Variants in WHRN observed in about 807,000 individuals in gnomAD.
WHRN encodes CASK-interacting protein CIP98.
Under a neutral mutation model 68.3 loss-of-function variants are expected in WHRN, and 41 were observed. The observed-to-expected ratio is 0.60, with a 90% confidence interval of 0.47 to 0.78. The LOEUF is 0.78. WHRN is among the 30% of genes least tolerant of loss of function. WHRN has a pLI of 0.00. For missense variants in WHRN, 1,243 were observed against 1,244.7 expected, an observed-to-expected ratio of 1.00 and a Z score of 0.02; for synonymous variants, 560 against 561.3, an observed-to-expected ratio of 1.00 and a Z score of 0.03.
chr9:114,404,541 G>A (rs1459658542), intron 9 of WHRN, among the ~76,000 whole-genome samples: 1 of 152,156 alleles, frequency 6.6e-6, no homozygotes, highest in Non-Finnish European at 1.5e-5. Flanking sequence ...CTGAACCCCT[G>A]CATGGCCCCT....
chr9:114,405,302 C>T (rs1834951385), intron 9 of WHRN, among the ~76,000 whole-genome samples: 1 of 152,078 alleles, frequency 6.6e-6, no homozygotes, highest in Non-Finnish European at 1.5e-5. Flanking sequence ...GGTCGAAATC[C>T]TGACCTCAAA....
intron 7 of WHRN, among the ~76,000 whole-genome samples, chr9:114,416,005 G>A (rs1835790906): frequency 1.3e-5 from 2 of 152,170 alleles, no homozygotes; most frequent in South Asian, 4.1e-4. Context: ...GACAAGGAGG[G>A]AGGCACAGAG....
At chr9:114,482,883 C>G (rs891453876) in intron 1 of WHRN, among the ~76,000 whole-genome samples, 1 of 152,096 alleles carries the variant, frequency 6.6e-6, no homozygotes, top group African/African-American at 2.4e-5. Context: ...GTCGCTGAGT[C>G]TCCCACAGGC....
intron 7 of WHRN, among the ~76,000 whole-genome samples, chr9:114,409,119 T>C (rs1022721637): frequency 1.3e-5 from 2 of 152,216 alleles, no homozygotes; most frequent in South Asian, 2.1e-4. Context: ...GTATAACTGA[T>C]TGCTTCTCTT....
chr9:114,494,576 C>G (rs1242646591), intron 1 of WHRN, among the ~76,000 whole-genome samples: 1 of 152,158 alleles, frequency 6.6e-6, no homozygotes, highest in South Asian at 2.1e-4. Flanking sequence ...AGCTCAGGCT[C>G]GAGCACTGTG....
At chr9:114,430,456 G>A (rs1837316319) in intron 3 of WHRN, among the ~76,000 whole-genome samples, 1 of 152,188 alleles carries the variant, frequency 6.6e-6, no homozygotes, top group African/African-American at 2.4e-5. Flanking sequence ...CTGGGGTGGA[G>A]GTATCAGTCA....
In WHRN at chr9:114,478,671, T is replaced by G; in HGVS notation, c.719A>C (p.Gln240Pro). The change falls in exon 2 of 12, where the codon CAG becomes CCG. Residue 240 changes from glutamine to proline, a missense_variant. Coordinates refer to ENST00000362057, the MANE Select transcript of WHRN (RefSeq NM_015404.4). ...TNHIYTWVDP[Q>P]GRSISPPSGL... Reference sequence around the variant, plus strand: ...CGAGGGTGGGGAGATGCTGCGGCCCTGCGGGTCCACCCAGGTGTAGATGTG... The same window carrying G: ...CGAGGGTGGGGAGATGCTGCGGCCCGGCGGGTCCACCCAGGTGTAGATGTG... The G allele has an allele frequency of 6.2e-7, 1 of 1,613,174 alleles. No homozygotes were observed. Among genetic ancestry groups the G allele is most frequent in the South Asian group, 1.1e-5 (1 of 90,982 alleles).
In WHRN at chr9:114,486,987, A is replaced by G. The variant is rs1224281494; in HGVS notation, c.619-8216T>C. On this transcript the variant is annotated intron_variant, in intron 1 of 11. Coordinates refer to ENST00000362057, the MANE Select transcript of WHRN (RefSeq NM_015404.4). ...TATATATATATATATATATATATATATATATATATATATATATATATAATA... is the reference window on the plus strand; with the variant it reads ...TATATATATATATATATATATATATGTATATATATATATATATATATAATA... Among the ~76,000 whole-genome samples the G allele has an allele frequency of 6.3e-3, 23 of 3,630 alleles. 3 individuals are homozygous for G. The highest frequency in any genetic ancestry group is 0.018 in the Admixed American group (2 of 114). The allele number at this position is 3,630 out of a possible 152,430, so 2.4% of individuals were successfully genotyped here.
chr9:114,456,053 T>G (rs1468243683), intron 3 of WHRN, among the ~76,000 whole-genome samples: 1 of 151,758 alleles, frequency 6.6e-6, no homozygotes, highest in Non-Finnish European at 1.5e-5. Context: ...TGGTTTTTAT[T>G]GAATGCATGA....
intron 7 of WHRN, among the ~76,000 whole-genome samples, chr9:114,417,348 C>T (rs1035469321): frequency 2.6e-5 from 4 of 152,224 alleles, no homozygotes; most frequent in African/African-American, 9.6e-5. Context: ...TAGCCAGCCA[C>T]CTGATGTCAT....
intron 1 of WHRN, among the ~76,000 whole-genome samples, chr9:114,496,286 A>C (rs1229325461): frequency 1.3e-5 from 2 of 152,212 alleles, no homozygotes; most frequent in East Asian, 3.8e-4. Flanking sequence ...AAGGCCTCAC[A>C]GATCATCAGA....
chr9:114,487,941 G>A (rs574361518), intron 1 of WHRN, among the ~76,000 whole-genome samples: 4 of 152,346 alleles, frequency 2.6e-5, no homozygotes, highest in South Asian at 2.1e-4. Context: ...AAAGCTCCCA[G>A]TTTAGGCAGA....
intron 4 of WHRN, chr9:114,425,363 C>A (rs1171430941): frequency 5.1e-6 from 3 of 593,374 alleles, no homozygotes; most frequent in Non-Finnish European, 9.0e-6. Flanking sequence ...GTCAGGCCAA[C>A]CCTCAGGAGC....
chr9:114,474,722 T>C (rs1353371643), intron 2 of WHRN, among the ~76,000 whole-genome samples: 2 of 152,336 alleles, frequency 1.3e-5, no homozygotes, highest in South Asian at 2.1e-4. Flanking sequence ...AGGACATGTA[T>C]CACATTTATA....
intron 1 of WHRN, chr9:114,503,514 T>C (rs148290045): frequency 6.5e-6 from 1 of 152,686 alleles, no homozygotes; most frequent in Non-Finnish European, 1.5e-5. Context: ...GAGGTTATAT[T>C]TCTCAATTAA....
chr9:114,403,533 G>A (rs1834818787), intron 10 of WHRN, among the ~76,000 whole-genome samples, 194 bp from the exon 11 acceptor site: 1 of 152,228 alleles, frequency 6.6e-6, no homozygotes, highest in African/African-American at 2.4e-5. Context: ...AAATCCCCGA[G>A]GCTCAGGAGG....
intron 3 of WHRN, among the ~76,000 whole-genome samples, chr9:114,440,750 T>C (rs1838301964): frequency 6.6e-6 from 1 of 152,240 alleles, no homozygotes; most frequent in African/African-American, 2.4e-5. Flanking sequence ...TTTGAAAGTA[T>C]CAGCTTAAAA....
intron 1 of WHRN, among the ~76,000 whole-genome samples, chr9:114,481,695 C>G (rs1564209340): frequency 6.6e-6 from 1 of 152,252 alleles, no homozygotes; most frequent in Non-Finnish European, 1.5e-5. Context: ...CCTTCCTAGA[C>G]AGACTGCAAC....
At chr9:114,402,973 G>T (rs758391087) in intron 11 of WHRN, 37 bp from the exon 12 acceptor site, 7 of 1,588,538 alleles carry the variant, frequency 4.4e-6, no homozygotes, top group South Asian at 2.3e-5. Context: ...GGTGCCCAAG[G>T]GTTAGACAGG....
Sources: gnomAD v4.1 joint callset for allele counts (sites outside exome capture counted in the v4.1 genomes callset) on GRCh38, gnomAD v4.1.1 for gene constraint, MANE v1.5 for transcripts, NCBI Gene and HGNC (gene_info 2026-07-23, HGNC 2026-07-21) for gene names.